Variants in GPHN observed in about 807,000 individuals in gnomAD.
The protein encoded by GPHN is gephyrin.
Under a neutral mutation model 95.5 loss-of-function variants are expected in GPHN, and 17 were observed. That is an observed-to-expected ratio of 0.18 (90% confidence interval 0.12 to 0.27). GPHN has a LOEUF of 0.27. Among genes scored for constraint, GPHN ranks in the 10% least tolerant of loss-of-function variants. GPHN has a pLI of 1.00. For synonymous variants in GPHN, 320 were observed against 322.5 expected (o/e 0.99, Z 0.08); for missense variants, 660 against 978.1 (o/e 0.67, Z 4.34).
intron 2 of GPHN, among the ~76,000 whole-genome samples, chr14:66,687,924 A>T (rs1431436467): frequency 1.3e-5 from 2 of 152,162 alleles, no homozygotes; most frequent in African/African-American, 2.4e-5. Flanking sequence ...TTCTAGGTAC[A>T]GTTGATCCTT....
chr14:67,159,102 TG>T (rs1257685841), intron 18 of GPHN, among the ~76,000 whole-genome samples: 5 of 152,196 alleles, frequency 3.3e-5, no homozygotes, highest in Non-Finnish European at 7.4e-5. Context: ...GTAGTTGTTT[TG>T]TTTTTATCTA....
the GPHN span, among the ~76,000 whole-genome samples, chr14:67,548,731 CATT>C: frequency 2.0e-5 from 3 of 152,290 alleles, no homozygotes; most frequent in Non-Finnish European, 4.4e-5. Context: ...TGTGACAAAA[CATT>C]ATTCTTTTTG....
intron 17 of GPHN, among the ~76,000 whole-genome samples, chr14:67,140,576 T>C (rs1013642309): frequency 1.3e-5 from 2 of 152,162 alleles, no homozygotes; most frequent in African/African-American, 2.4e-5. Context: ...ACAAGGTTTG[T>C]AAAATTAGCT....
At chr14:66,644,800 A>G (rs909840404) in intron 1 of GPHN, among the ~76,000 whole-genome samples, 11 of 152,210 alleles carry the variant, frequency 7.2e-5, no homozygotes, top group Non-Finnish European at 1.0e-4. Flanking sequence ...GTTAAAATTC[A>G]GTCACTAACT....
the GPHN span, chr14:67,729,293 T>A: frequency 6.2e-7 from 1 of 1,603,892 alleles, no homozygotes; most frequent in Non-Finnish European, 8.5e-7. Context: ...TTCTCCCCCT[T>A]TGTCAAGACG....
the GPHN span, chr14:67,348,907 G>A: frequency 1.2e-6 from 1 of 857,452 alleles, no homozygotes; most frequent in Non-Finnish European, 1.8e-6. Flanking sequence ...ATTTTAACAT[G>A]TAAAGCCAAT....
the GPHN span, among the ~76,000 whole-genome samples, chr14:67,524,883 C>T: frequency 3.9e-5 from 6 of 152,136 alleles, no homozygotes; most frequent in African/African-American, 1.4e-4. Flanking sequence ...TATCTCTCCC[C>T]GGTATCTTAA....
chr14:66,563,113 A>G (rs998699374), intron 1 of GPHN, among the ~76,000 whole-genome samples: 2 of 150,538 alleles, frequency 1.3e-5, no homozygotes, highest in Admixed American at 1.3e-4. Flanking sequence ...TGGTATAAAT[A>G]TATAATCTAT....
chr14:67,021,017 A>G (rs1023870907), intron 9 of GPHN, among the ~76,000 whole-genome samples: 1 of 152,072 alleles, frequency 6.6e-6, no homozygotes, highest in African/African-American at 2.4e-5. Context: ...TTGTTTCTCA[A>G]GTGTATCATT....
At chr14:67,105,732 G>C (rs970049273) in intron 13 of GPHN, among the ~76,000 whole-genome samples, 1 of 152,030 alleles carries the variant, frequency 6.6e-6, no homozygotes, top group African/African-American at 2.4e-5. Flanking sequence ...TAGGTGAAGT[G>C]AGTCTCATGT....
In GPHN at chr14:66,906,917, T is replaced by A. The variant is rs115605226; in HGVS notation, c.390-9086T>A. On this transcript the variant is annotated intron_variant, in intron 5 of 22. Transcript: ENST00000478722. ...ATATGGTCTATATTGGTAAAAACAA[T>A]GTGTATTATTCTGTCAGCTGGAGTG... Among the ~76,000 whole-genome samples the A allele has an allele frequency of 5.3e-4, 81 of 152,306 alleles. 2 individuals are homozygous for A. The highest frequency in any genetic ancestry group is 1.9e-3 in the African/African-American group (79 of 41,580).
the GPHN span, chr14:67,208,309 T>G: frequency 6.2e-7 from 1 of 1,613,974 alleles, no homozygotes; most frequent in Non-Finnish European, 8.5e-7. Flanking sequence ...TAACACTGAC[T>G]TTTGAAGGTA....
chr14:66,632,957 T>A (rs1304303528), intron 1 of GPHN, among the ~76,000 whole-genome samples: 2 of 152,228 alleles, frequency 1.3e-5, no homozygotes, highest in African/African-American at 4.8e-5. Flanking sequence ...GTCTGCTTAC[T>A]CAAAGACTAT....
chr14:67,513,920 C>G, the GPHN span, among the ~76,000 whole-genome samples: 2 of 152,266 alleles, frequency 1.3e-5, no homozygotes, highest in Non-Finnish European at 2.9e-5. Context: ...GGAACCTGGC[C>G]CATTTGTTTT....
intron 5 of GPHN, among the ~76,000 whole-genome samples, chr14:66,907,629 A>G (rs981990840): frequency 2.0e-5 from 3 of 152,172 alleles, no homozygotes; most frequent in African/African-American, 7.2e-5. Context: ...TAAATGCATT[A>G]CAAAATAAAT....
At chr14:66,738,295 A>G (rs1285453230) in intron 2 of GPHN, among the ~76,000 whole-genome samples, 1 of 152,204 alleles carries the variant, frequency 6.6e-6, no homozygotes, top group African/African-American at 2.4e-5. Context: ...ATCAAAACAG[A>G]CTTTCTTCTT....
intron 4 of GPHN, among the ~76,000 whole-genome samples, chr14:66,864,908 A>C (rs941985957): frequency 6.6e-6 from 1 of 152,226 alleles, no homozygotes; most frequent in African/African-American, 2.4e-5. Flanking sequence ...GAAAATGTAC[A>C]TCTACACAAT....
chr14:67,222,800 A>C, the GPHN span, among the ~76,000 whole-genome samples: 367 of 152,300 alleles, frequency 2.4e-3, 9 homozygotes, highest in East Asian at 0.017. Context: ...AGCTTCAGTC[A>C]TGCACATAAA....
intron 1 of GPHN, among the ~76,000 whole-genome samples, chr14:66,660,538 G>A (rs150136945): frequency 4.1e-4 from 63 of 152,036 alleles, no homozygotes; most frequent in African/African-American, 1.4e-3. Context: ...AAAGAATGTC[G>A]TAATTTTTTT....
Sources: gnomAD v4.1 joint callset for allele counts (sites outside exome capture counted in the v4.1 genomes callset) on GRCh38, gnomAD v4.1.1 for gene constraint, MANE v1.5 for transcripts, NCBI Gene and HGNC (gene_info 2026-07-23, HGNC 2026-07-21) for gene names.